Variants in MRPS27 observed in about 807,000 individuals in gnomAD.
MRPS27 encodes the protein mitochondrial ribosomal protein S27, also known as small ribosomal subunit protein mS27.
Under a neutral mutation model 48.9 loss-of-function variants are expected in MRPS27, and 43 were observed. The observed-to-expected ratio is 0.88, with a 90% CI of 0.69 to 1.13. The LOEUF is 1.13. MRPS27 is among the 50% of genes most tolerant of loss of function. The probability of loss-of-function intolerance (pLI) is 0.00; values close to 1 mark genes in which losing one functional copy is unlikely to be tolerated. For missense variants in MRPS27, 467 were observed against 476.3 expected (o/e 0.98, Z 0.18); for synonymous variants, 188 against 171.9 (o/e 1.09, Z -0.73).
At chr5:72,232,747 G>A (rs542662063) in intron 6 of MRPS27, among the ~76,000 whole-genome samples, 189 bp from the exon 7 acceptor site, 1 of 152,154 alleles carries the variant, frequency 6.6e-6, no homozygotes, top group Non-Finnish European at 1.5e-5. Context: ...TCAGCCTTTA[G>A]CTTCTATTTT....
intron 4 of MRPS27, among the ~76,000 whole-genome samples, chr5:72,282,925 GTT>G (rs1445776746): frequency 6.6e-6 from 1 of 152,178 alleles, no homozygotes; most frequent in African/African-American, 2.4e-5. Context: ...GATATTCATA[GTT>G]AAGGCGGCTG....
intron 4 of MRPS27, among the ~76,000 whole-genome samples, chr5:72,293,244 C>G (rs1749878698): frequency 6.6e-6 from 1 of 151,136 alleles, no homozygotes; most frequent in African/African-American, 2.4e-5. Context: ...AGAGTTCTAC[C>G]TAGTCTCATA....
chr5:72,313,395 C>T (rs1750489276), intron 2 of MRPS27, among the ~76,000 whole-genome samples: 1 of 152,102 alleles, frequency 6.6e-6, no homozygotes, highest in Non-Finnish European at 1.5e-5. Flanking sequence ...AAACTATCAC[C>T]AATCTATTTA....
At chr5:72,296,577 T>A (rs967704688) in intron 3 of MRPS27, among the ~76,000 whole-genome samples, 7 of 152,240 alleles carry the variant, frequency 4.6e-5, no homozygotes, top group African/African-American at 1.7e-4. Context: ...ACTACCTAAA[T>A]AAATACCAGG....
intron 4 of MRPS27, among the ~76,000 whole-genome samples, chr5:72,283,731 C>CA (rs947926998): frequency 1.6e-3 from 233 of 145,500 alleles, no homozygotes; most frequent in Middle Eastern, 7.1e-3. Flanking sequence ...TGTGTACGTA[C>CA]AAAAAAAAAA....
At chr5:72,288,210 CTTTTTTTT>C (rs34161754) in intron 4 of MRPS27, among the ~76,000 whole-genome samples, 1 of 141,428 alleles carries the variant, frequency 7.1e-6, no homozygotes, top group Non-Finnish European at 1.6e-5. Flanking sequence ...GGCAAGAATT[CTTTTTTTT>C]TTTTTTTGAG....
intron 4 of MRPS27, among the ~76,000 whole-genome samples, chr5:72,262,879 T>TC (rs1222246973): frequency 1.3e-5 from 2 of 152,100 alleles, no homozygotes; most frequent in Admixed American, 6.6e-5. Context: ...CAAACGATCT[T>TC]CCCGCCTTGG....
intron 3 of MRPS27, among the ~76,000 whole-genome samples, chr5:72,296,247 C>T (rs1038147837): frequency 5.9e-5 from 9 of 151,830 alleles, no homozygotes; most frequent in South Asian, 2.1e-4. Context: ...AAAAAAAAAG[C>T]GTAGAAGACA....
At chr5:72,304,690 T>C (rs1355291103) in intron 2 of MRPS27, among the ~76,000 whole-genome samples, 4 of 152,208 alleles carry the variant, frequency 2.6e-5, no homozygotes, top group African/African-American at 9.7e-5. Context: ...ACAGATGTGT[T>C]GAAAAACAAG....
intron 4 of MRPS27, among the ~76,000 whole-genome samples, chr5:72,261,656 G>A (rs989580820): frequency 1.3e-5 from 2 of 152,186 alleles, no homozygotes; most frequent in Admixed American, 6.5e-5. Flanking sequence ...ACTTATCAGA[G>A]TATTTATGAG....
chr5:72,283,695 T>C (rs1749588782), intron 4 of MRPS27, among the ~76,000 whole-genome samples: 1 of 152,048 alleles, frequency 6.6e-6, no homozygotes, highest in South Asian at 2.1e-4. Flanking sequence ...GTAGGCAAGA[T>C]ATGATCCAGC....
chr5:72,300,728 G>A (rs1281658885), intron 2 of MRPS27, among the ~76,000 whole-genome samples: 1 of 152,104 alleles, frequency 6.6e-6, no homozygotes, highest in East Asian at 1.9e-4. Context: ...CTACTGCTAA[G>A]CCACCAGTAT....
chr5:72,317,950 C>T (rs1339843698), intron 1 of MRPS27, among the ~76,000 whole-genome samples: 1 of 152,184 alleles, frequency 6.6e-6, no homozygotes, highest in East Asian at 1.9e-4. Flanking sequence ...TTTGGCTTCC[C>T]TGGTCACATT....
In MRPS27 at chr5:72,242,431, A is replaced by G. The variant is rs547213006; in HGVS notation, c.282-4303T>C. On this transcript the variant is annotated intron_variant, in intron 4 of 10. Coordinates refer to ENST00000261413, the MANE Select transcript of MRPS27 (RefSeq NM_015084.3). ...TTATATAAAAGAGATCAAGAGTGAAAAAAAAAAAAAAAACACCACAGACTG... is the reference window on the plus strand; with the variant it reads ...TTATATAAAAGAGATCAAGAGTGAAGAAAAAAAAAAAAACACCACAGACTG... Among the ~76,000 whole-genome samples the G allele has an allele frequency of 5.0e-3, 758 of 151,104 alleles. 6 individuals are homozygous for G. The highest frequency in any genetic ancestry group is 7.3e-3 in the Non-Finnish European group (497 of 67,804).
chr5:72,220,419 G>A lies in MRPS27; in HGVS notation c.*490C>T, dbSNP rs1192980766. 1.9e-5 allele frequency: 3 copies of A among 155,286 alleles called. No homozygotes were observed. Among genetic ancestry groups the A allele is most frequent in the Non-Finnish European group, 4.3e-5 (3 of 70,330 alleles). 9.6% of individuals were successfully genotyped at this position (155,286 alleles called of 1,614,324 possible). ...ACCTGTAATCCCACCTACTAAAGGAGGCCGAGGCAGGAGAATTGCTTGAAC... is the reference window on the plus strand; with the variant it reads ...ACCTGTAATCCCACCTACTAAAGGAAGCCGAGGCAGGAGAATTGCTTGAAC... On this transcript the variant is annotated 3_prime_UTR_variant, in exon 11 of 11. Transcript: ENST00000261413.
chr5:72,319,970 T>C, intron 1 of MRPS27, 179 bp downstream of exon 1: 1 of 649,452 alleles, frequency 1.5e-6, no homozygotes, highest in Non-Finnish European at 2.7e-6. Context: ...GAACATACTG[T>C]TATTTTAGGG....
Position 72,232,444 on chromosome 5 carries a change from C to G in MRPS27, c.590G>C (p.Ser197Thr). Residue 197 changes from serine to threonine, a missense_variant and splice_region_variant, in exon 7 of 11, where the codon AGT (serine) becomes ACT (threonine). By Grantham distance (58) the Ser-to-Thr change is moderately conservative (BLOSUM62 1). Coordinates refer to ENST00000261413, the MANE Select transcript of MRPS27 (RefSeq NM_015084.3). The part of the protein sequence containing the change: ...FHCLAKKTDF[S>T]WEEERNFGAS... ...ACTGCTTTAGGGAAGATCACTTACA[C>G]TGAAGTCTGTCTTCTTTGCCAGGCA... 6.2e-7 allele frequency: 1 copy of G among 1,607,502 alleles called. No homozygotes were observed. Among genetic ancestry groups the G allele is most frequent in the South Asian group, 1.1e-5 (1 of 90,848 alleles).
At chr5:72,224,105 G>A (rs752684552) in intron 9 of MRPS27, among the ~76,000 whole-genome samples, 1 of 152,040 alleles carries the variant, frequency 6.6e-6, no homozygotes, top group Non-Finnish European at 1.5e-5. Flanking sequence ...GCTCATGCCT[G>A]TAATTTCAGC....
At chr5:72,230,329 C>A (rs1196087624) in intron 7 of MRPS27, among the ~76,000 whole-genome samples, 2 of 152,154 alleles carry the variant, frequency 1.3e-5, no homozygotes, top group African/African-American at 4.8e-5. Context: ...TCCCAACTTC[C>A]CCGCTTTATT....
Sources: gnomAD v4.1 joint callset for allele counts (sites outside exome capture counted in the v4.1 genomes callset) on GRCh38, gnomAD v4.1.1 for gene constraint, MANE v1.5 for transcripts, NCBI Gene and HGNC (gene_info 2026-07-23, HGNC 2026-07-21) for gene names.